The following TNRC6B variants were observed in gnomAD, a reference collection of about 807,000 sequenced individuals.
TNRC6B encodes trinucleotide repeat containing adaptor 6B, also known as trinucleotide repeat-containing gene 6B protein.
TNRC6B carries 52 observed loss-of-function variants against 203.6 expected under a neutral mutation model. The ratio of observed to expected loss-of-function variants is 0.26; its 90% CI spans 0.20 to 0.32. The LOEUF (loss-of-function observed/expected upper bound fraction) is 0.32. TNRC6B is among the 10% of genes least tolerant of loss of function. The pLI, the probability that TNRC6B is intolerant of heterozygous loss-of-function variation, is 1.00. For synonymous variants in TNRC6B, 838 were observed against 845.7 expected, an observed-to-expected ratio of 0.99 and a Z score of 0.16; for missense variants, 1,923 against 2,286.2, an observed-to-expected ratio of 0.84 and a Z score of 3.24.
At chr22:40,102,609 A>ATATAAACT (rs1352194551) in intron 1 of TNRC6B, among the ~76,000 whole-genome samples, 6 of 152,182 alleles carry the variant, frequency 3.9e-5, no homozygotes, top group Non-Finnish European at 8.8e-5. Context: ...TACATCATAT[A>ATATAAACT]TATAAACTTC....
chr22:40,315,578 G>T, intron 20 of TNRC6B, 71 bp downstream of exon 20: 2 of 1,493,548 alleles, frequency 1.3e-6, no homozygotes, highest in South Asian at 1.2e-5. Context: ...AGATGGTGAA[G>T]ACACAAAGAG....
At chr22:40,210,617 T>G (rs148977989) in intron 1 of TNRC6B, among the ~76,000 whole-genome samples, 14 of 152,338 alleles carry the variant, frequency 9.2e-5, no homozygotes, top group African/African-American at 3.4e-4. Context: ...TTACACTATT[T>G]AAGTTTGCCC....
chr22:40,108,720 C>T (rs879898764), intron 1 of TNRC6B, among the ~76,000 whole-genome samples: 33 of 152,142 alleles, frequency 2.2e-4, no homozygotes, highest in African/African-American at 7.5e-4. Flanking sequence ...AAAACAGTGC[C>T]ACTGTCCTCA....
chr22:40,160,224 C>G (rs1182008199), intron 4 of TNRC6B, among the ~76,000 whole-genome samples: 1 of 152,134 alleles, frequency 6.6e-6, no homozygotes, highest in Non-Finnish European at 1.5e-5. Flanking sequence ...CGCCTGTAAT[C>G]CCAGCACTTT....
chr22:40,074,930 C>G (rs530460887), intron 1 of TNRC6B, among the ~76,000 whole-genome samples: 1 of 151,904 alleles, frequency 6.6e-6, no homozygotes, highest in South Asian at 2.1e-4. Flanking sequence ...TGCACTCCAG[C>G]GTAGGCAACA....
At position 40,063,791 on chromosome 22, in the gene TNRC6B, C is replaced by G. The variant is rs549079193; in HGVS notation, c.-121+18793C>G. ...GATCACAGCTTACTGCAGCCTTGAC[C>G]TCTTGGGCTCAAGTGATCTTTCTGC... On this transcript the variant is annotated intron_variant, in intron 1 of 23. Coordinates refer to the TNRC6B transcript ENST00000301923. Among the ~76,000 whole-genome samples, 5 of 152,138 alleles carry G rather than the reference C, an allele frequency of 3.3e-5. No homozygotes were observed. In the East Asian group the frequency reaches 5.8e-4, roughly 18 times the overall value.
intron 1 of TNRC6B, among the ~76,000 whole-genome samples, chr22:40,197,418 C>A (rs1341220550): frequency 6.6e-6 from 1 of 151,890 alleles, no homozygotes; most frequent in East Asian, 1.9e-4. Flanking sequence ...TCCCAAGTAG[C>A]TGGGATTACA....
At chr22:40,110,414 G>C (rs2068322333) in intron 1 of TNRC6B, among the ~76,000 whole-genome samples, 1 of 152,210 alleles carries the variant, frequency 6.6e-6, no homozygotes. Flanking sequence ...TGAATCTGCT[G>C]TTTCAGTAGC....
chr22:40,272,481 T>G (rs1247857039), intron 6 of TNRC6B, among the ~76,000 whole-genome samples: 2 of 152,202 alleles, frequency 1.3e-5, no homozygotes, highest in Non-Finnish European at 2.9e-5. Flanking sequence ...TATGTACAAA[T>G]CAGAAGACTT....
chr22:40,273,631 C>T (rs1309162618), intron 7 of TNRC6B, 31 bp downstream of exon 7: 4 of 1,532,030 alleles, frequency 2.6e-6, no homozygotes, highest in African/African-American at 2.8e-5. Flanking sequence ...CGCACTTGCT[C>T]ATTCGCTCTG....
At chr22:40,089,272 A>T (rs2068128311) in intron 1 of TNRC6B, among the ~76,000 whole-genome samples, 1 of 151,778 alleles carries the variant, frequency 6.6e-6, no homozygotes, top group Admixed American at 6.6e-5. Flanking sequence ...TCACTTTGTC[A>T]CCCAGGCTGG....
chr22:40,236,161 A>G (rs571408166), intron 1 of TNRC6B, among the ~76,000 whole-genome samples: 1 of 152,286 alleles, frequency 6.6e-6, no homozygotes, highest in African/African-American at 2.4e-5. Context: ...GTTTAGTTCT[A>G]TACAATTTTA....
chr22:40,088,319 G>T (rs756816518), intron 1 of TNRC6B, among the ~76,000 whole-genome samples: 1 of 152,190 alleles, frequency 6.6e-6, no homozygotes, highest in Non-Finnish European at 1.5e-5. Context: ...AGACCCAGTG[G>T]TGTTTGTGCT....
At chr22:40,188,586 C>T (rs1427525365) in intron 1 of TNRC6B, among the ~76,000 whole-genome samples, 3 of 152,140 alleles carry the variant, frequency 2.0e-5, no homozygotes, top group Non-Finnish European at 2.9e-5. Context: ...CCCAGGGCAG[C>T]GAAGCTTGTG....
At chr22:40,309,205 A>G (rs1353586770) in intron 16 of TNRC6B, among the ~76,000 whole-genome samples, 5 of 152,238 alleles carry the variant, frequency 3.3e-5, no homozygotes, top group East Asian at 1.9e-4. Flanking sequence ...GTTTCTCTCT[A>G]TAAGGGCTTC....
In TNRC6B at chr22:40,227,793, T is replaced by TA. The variant is rs531873634; in HGVS notation, c.6-18214dup. Among the ~76,000 whole-genome samples the TA allele has an allele frequency of 2.2e-3, 330 of 152,024 alleles. 5 individuals carry two copies. The highest frequency in any genetic ancestry group is 6.0e-3 in the South Asian group (29 of 4,816). On this transcript the variant is annotated intron_variant, in intron 1 of 22. Coordinates refer to ENST00000454349, the MANE Select transcript of TNRC6B (RefSeq NM_001162501.2). ...CGAACCATATGTGGAGGAAAGCAGA[T>TA]AAAAAAAATGCAACATGAAAAGGAA... is the stretch of plus-strand genomic sequence containing the variant.
Position 40,300,902 on chromosome 22 carries a change from T to C in TNRC6B, c.3841-8T>C, listed in dbSNP as rs1445580243. The C allele has an allele frequency of 6.2e-7, 1 of 1,612,812 alleles. No individual in the cohort carries two copies. Among genetic ancestry groups the C allele is most frequent in the Admixed American group, 1.7e-5 (1 of 59,848 alleles). ...TTTGGTTTTCTGTCTTTCCCCCTTG[T>C]TTTGTAGGCATGTCAGCTTCTCTTG... On this transcript the variant is annotated splice_region_variant and splice_polypyrimidine_tract_variant and intron_variant, in intron 13 of 22. Transcript: ENST00000454349.
chr22:40,110,049 C>T (rs1293446971), intron 1 of TNRC6B, among the ~76,000 whole-genome samples: 1 of 152,078 alleles, frequency 6.6e-6, no homozygotes, highest in East Asian at 1.9e-4. Context: ...ACAATCTCAC[C>T]TCATAAAATC....
intron 11 of TNRC6B, 74 bp from the exon 12 acceptor site, chr22:40,285,571 A>G: frequency 6.5e-7 from 1 of 1,534,350 alleles, no homozygotes; most frequent in Non-Finnish European, 8.8e-7. Flanking sequence ...GAGGGATCTA[A>G]AAGACCAGAA....
Sources: gnomAD v4.1 joint callset for allele counts (sites outside exome capture counted in the v4.1 genomes callset) on GRCh38, gnomAD v4.1.1 for gene constraint, MANE v1.5 for transcripts, NCBI Gene and HGNC (gene_info 2026-07-23, HGNC 2026-07-21) for gene names.